The following C4orf51 variants were observed in gnomAD, a reference collection of about 807,000 sequenced individuals.
C4orf51 encodes chromosome 4 open reading frame 51.
C4orf51 carries 25 observed loss-of-function variants against 25.2 expected under a neutral mutation model. That is an observed-to-expected ratio of 0.99 (90% confidence interval 0.72 to 1.39). C4orf51 has a LOEUF of 1.39. Ranked by LOEUF, C4orf51 falls within the 40% of genes most tolerant of loss-of-function variation. The pLI is 0.00. For synonymous variants in C4orf51, 100 were observed against 84.5 expected (o/e 1.18, Z -1.01); for missense variants, 252 against 239.6 (o/e 1.05, Z -0.34).
At chr4:145,722,453 T>C (rs1731791269) in intron 2 of C4orf51, among the ~76,000 whole-genome samples, 1 of 152,344 alleles carries the variant, frequency 6.6e-6, no homozygotes, top group East Asian at 1.9e-4. Flanking sequence ...TAAAGTCAGC[T>C]GATCAGAAAA....
chr4:145,779,251 T>C, the C4orf51 span: 2 of 1,317,598 alleles, frequency 1.5e-6, no homozygotes, highest in African/African-American at 1.5e-5. Context: ...GAAAATGGCT[T>C]GAAAAGGTCA....
intron 1 of C4orf51, among the ~76,000 whole-genome samples, chr4:145,686,055 C>T (rs996354489): frequency 6.6e-6 from 1 of 152,122 alleles, no homozygotes; most frequent in African/African-American, 2.4e-5. Context: ...AAATGTGGTA[C>T]ATACATACAA....
chr4:145,789,483 A>G, the C4orf51 span, among the ~76,000 whole-genome samples: 1 of 152,212 alleles, frequency 6.6e-6, no homozygotes, highest in African/African-American at 2.4e-5. Context: ...TGCATTTTAC[A>G]CACATATTTA....
intron 2 of C4orf51, among the ~76,000 whole-genome samples, chr4:145,701,597 C>A (rs11724678): frequency 0.13 from 19,010 of 151,458 alleles, 1,282 homozygotes; most frequent in South Asian, 0.19. Flanking sequence ...CCCCCTAGAC[C>A]ATCACGGATG....
intron 1 of C4orf51, among the ~76,000 whole-genome samples, chr4:145,692,587 C>T (rs1054339271): frequency 6.6e-6 from 1 of 152,158 alleles, no homozygotes; most frequent in Non-Finnish European, 1.5e-5. Flanking sequence ...CAGGGTAGGC[C>T]ACCAGCCCTT....
At position 145,761,140 on chromosome 4, in the gene C4orf51, G is replaced by T. The variant is rs986118075; in HGVS notation, n.167-9848G>T. The stretch of plus-strand genomic sequence containing the variant: ...CAGGAGCGGGGCCCCCGGGCCGGCC[G>T]GTTCCTTGGGGGCTGGACACAGGCC... On this transcript the variant is annotated intron_variant and non_coding_transcript_variant, in intron 1 of 1. Coordinates refer to the C4orf51 transcript ENST00000510096. The surrounding 1 kb of genome is among the most constrained non-coding windows in gnomAD (Gnocchi z 6.8). 12 of 1,289,746 alleles carry T rather than the reference G, an allele frequency of 9.3e-6. No individual in the cohort carries two copies. Among genetic ancestry groups the T allele is most frequent in the Non-Finnish European group, 1.2e-5 (12 of 988,802 alleles). 79.9% of individuals were successfully genotyped at this position (1,289,746 alleles called of 1,614,324 possible). A position where few individuals can be genotyped will look rare whatever the true frequency, so the allele number is the denominator to read the frequency against.
chr4:145,781,372 C>A, the C4orf51 span, among the ~76,000 whole-genome samples: 1 of 151,966 alleles, frequency 6.6e-6, no homozygotes, highest in Admixed American at 6.6e-5. Flanking sequence ...TCAATTTTCA[C>A]TGGAATGATT....
the C4orf51 span, among the ~76,000 whole-genome samples, chr4:145,788,164 T>C: frequency 6.6e-6 from 1 of 152,006 alleles, no homozygotes; most frequent in African/African-American, 2.4e-5. Context: ...GGATAACCAT[T>C]TTTTTTTGCT....
Position 145,732,457 on chromosome 4 carries a change from A to G in C4orf51, c.506A>G (p.His169Arg), listed in dbSNP as rs551993857. 6.2e-7 allele frequency: 1 copy of G among 1,607,736 alleles called. No individual in the cohort carries two copies. Among genetic ancestry groups the G allele is most frequent in the African/African-American group, 1.3e-5 (1 of 74,926 alleles). Residue 169 changes from histidine (H) to arginine (R), a missense_variant, in exon 6 of 6, where the codon CAT (histidine) becomes CGT (arginine). Transcript: ENST00000438731. ...RRGKGVLKHL[H>R]GRCDSESKVC... is the part of the protein sequence containing the mutation. Reference sequence around the variant, plus strand: ...AACCAGGCCATTTTTCTCCAGCTTCATGGACGGTGCGATTCTGAAAGCAAG... The same window carrying G: ...AACCAGGCCATTTTTCTCCAGCTTCGTGGACGGTGCGATTCTGAAAGCAAG...
At chr4:145,733,044 GC>G, downstream of C4orf51, among the ~76,000 whole-genome samples, 1 of 152,306 alleles carries the variant, frequency 6.6e-6, no homozygotes, top group African/African-American at 2.4e-5. Flanking sequence ...GGGGGCGGGG[GC>G]GGCCTCAGAC....
At chr4:145,727,062 A>C in intron 3 of C4orf51, 93 bp downstream of exon 3, 15 of 993,566 alleles carry the variant, frequency 1.5e-5, no homozygotes, top group Non-Finnish European at 2.1e-5. Flanking sequence ...AAAGGGGTTA[A>C]ATTTTTAAAA....
Position 145,732,675 on chromosome 4 carries a change from C to A in C4orf51, c.*115C>A, listed in dbSNP as rs982929677. The A allele has an allele frequency of 6.4e-5, 39 of 605,290 alleles. No individual in the cohort carries two copies. The highest frequency in any genetic ancestry group is 8.9e-4 in the Middle Eastern group (2 of 2,242). 37.5% of individuals were successfully genotyped at this position (605,290 alleles called of 1,614,324 possible). A position where few individuals can be genotyped will look rare whatever the true frequency, so the allele number is the denominator to read the frequency against. ...CCCGCCCCGCCCAGGAACGTCTGGACCCTGGCAGGTTGGCTTTCTGGGACA... is the reference window on the plus strand; with the variant it reads ...CCCGCCCCGCCCAGGAACGTCTGGAACCTGGCAGGTTGGCTTTCTGGGACA... On this transcript the variant is annotated 3_prime_UTR_variant, in exon 6 of 6. Coordinates refer to ENST00000438731, the MANE Select transcript of C4orf51 (RefSeq NM_001080531.3).
chr4:145,766,300 T>TTC (rs1735286933), intron 1 of C4orf51, among the ~76,000 whole-genome samples: 1 of 152,210 alleles, frequency 6.6e-6, no homozygotes, highest in South Asian at 2.1e-4. Context: ...GTCAGAAGAC[T>TTC]TCTGCTTCTA....
intron 2 of C4orf51, among the ~76,000 whole-genome samples, chr4:145,725,496 C>T (rs1732003984): frequency 6.6e-6 from 1 of 152,072 alleles, no homozygotes; most frequent in Non-Finnish European, 1.5e-5. Flanking sequence ...ATGCTCATTG[C>T]AGCATTATCC....
At chr4:145,789,497 T>C in the C4orf51 span, among the ~76,000 whole-genome samples, 1 of 152,228 alleles carries the variant, frequency 6.6e-6, no homozygotes, top group African/African-American at 2.4e-5. Flanking sequence ...ATATTTAATA[T>C]TTAACCTTAT....
At chr4:145,775,179 G>C (rs962336167), downstream of C4orf51, among the ~76,000 whole-genome samples, 2 of 152,156 alleles carry the variant, frequency 1.3e-5, no homozygotes, top group African/African-American at 4.8e-5. Context: ...ACTTCTGATA[G>C]AAGCCACCCA....
chr4:145,768,025 G>A (rs1170609791), intron 1 of C4orf51, among the ~76,000 whole-genome samples: 2 of 152,152 alleles, frequency 1.3e-5, no homozygotes, highest in African/African-American at 4.8e-5. Flanking sequence ...GTTTTGTAGG[G>A]TTTATAAAAC....
chr4:145,788,536 ACT>A, the C4orf51 span, among the ~76,000 whole-genome samples: 1 of 152,232 alleles, frequency 6.6e-6, no homozygotes, highest in Non-Finnish European at 1.5e-5. Flanking sequence ...TTTTCCCTGT[ACT>A]TGTACTTCCA....
intron 1 of C4orf51, among the ~76,000 whole-genome samples, chr4:145,745,293 G>A (rs1241270899): frequency 6.7e-6 from 1 of 148,356 alleles, no homozygotes; most frequent in East Asian, 2.0e-4. Context: ...CACTGTTGTG[G>A]TATCAAATAC....
Sources: allele counts gnomAD v4.1 joint callset (sites outside exome capture counted in the v4.1 genomes callset), GRCh38; gene constraint gnomAD v4.1.1; non-coding constraint Gnocchi (gnomAD v3.1); transcripts MANE v1.5; gene names NCBI Gene and HGNC (gene_info 2026-07-23, HGNC 2026-07-21).